EML5: variants seen among roughly 807,000 people sequenced by gnomAD.
EML5 encodes echinoderm microtubule-associated protein-like 5.
In EML5, 120 loss-of-function variants were observed where a neutral mutation model predicts 250.0. That is an observed-to-expected ratio of 0.48 (90% CI 0.41 to 0.56). The LOEUF is 0.56. Ranked by LOEUF, EML5 falls within the 20% of genes least tolerant of loss-of-function variation. The pLI is 0.00. For synonymous variants in EML5, 771 were observed against 806.5 expected, an observed-to-expected ratio of 0.96 and a Z score of 0.75; for missense variants, 2,006 against 2,437.6, an observed-to-expected ratio of 0.82 and a Z score of 3.73.
intron 29 of EML5, among the ~76,000 whole-genome samples, chr14:88,645,523 T>C (rs1203940736): frequency 6.6e-6 from 1 of 152,236 alleles, no homozygotes; most frequent in Admixed American, 6.5e-5. Flanking sequence ...TACATCCTTC[T>C]TGAAAGTGAA....
chr14:88,704,101 T>C (rs1042225309), intron 13 of EML5, among the ~76,000 whole-genome samples: 1 of 152,112 alleles, frequency 6.6e-6, no homozygotes, highest in Non-Finnish European at 1.5e-5. Flanking sequence ...TGATCCCCAG[T>C]GTGGGATATT....
chr14:88,616,213 C>G lies in EML5; in HGVS notation c.5826G>C (p.Ser1942=). The G allele has an allele frequency of 6.2e-7, 1 of 1,613,802 alleles. No individual in the cohort carries two copies. Among genetic ancestry groups the G allele is most frequent in the Middle Eastern group, 1.7e-4 (1 of 6,058 alleles). Residue 1942 remains serine (S), a synonymous_variant, in exon 43 of 44, where the codon TCG becomes TCC. Transcript: ENST00000554922. ...TAAATCGAATATTTGTCACATGGGGCGAATGACCCAAGAACCTTTTGTGTT... is the reference window on the plus strand; with the variant it reads ...TAAATCGAATATTTGTCACATGGGGGGAATGACCCAAGAACCTTTTGTGTT... ...FAKHKRFLGH[S]PHVTNIRFTS... is the part of the protein sequence containing the mutation.
chr14:88,694,155 CAA>C (rs938926957), intron 17 of EML5, among the ~76,000 whole-genome samples, 150 bp downstream of exon 17: 3 of 152,128 alleles, frequency 2.0e-5, no homozygotes, highest in African/African-American at 7.2e-5. Context: ...TAAATGAACT[CAA>C]GACTTCATTC....
chr14:88,651,223 CCT>C (rs2091611943), intron 27 of EML5, among the ~76,000 whole-genome samples: 1 of 148,148 alleles, frequency 6.8e-6, no homozygotes, highest in Non-Finnish European at 1.5e-5. Context: ...GCCAACAGAC[CCT>C]CTCTCTCCCT....
Position 88,618,642 on chromosome 14 carries a change from T to TA in EML5, c.5538+7dup, listed in dbSNP as rs781676451. 2 of 1,611,566 alleles carry TA rather than the reference T, an allele frequency of 1.2e-6. No individual in the cohort carries two copies. The highest frequency in any genetic ancestry group is 1.7e-6 in the Non-Finnish European group (2 of 1,179,036). On this transcript the variant is annotated splice_region_variant and intron_variant, in intron 40 of 43. Coordinates refer to ENST00000554922, the MANE Select transcript of EML5 (RefSeq NM_183387.3). ...TTGCCACCTGGGTATACAGTATTGG[T>TA]ACTGTACCTGGAGATAACTGCTATC... is the stretch of plus-strand genomic sequence containing the variant.
chr14:88,623,163 G>GCAC (rs2089348226), intron 36 of EML5: 1 of 150,828 alleles, frequency 6.6e-6, no homozygotes, highest in Non-Finnish European at 1.5e-5. Flanking sequence ...TTACAGGTGT[G>GCAC]CACCACCACA....
chr14:88,760,408 GAA>G (rs981827603), intron 1 of EML5, among the ~76,000 whole-genome samples: 7 of 151,994 alleles, frequency 4.6e-5, no homozygotes, highest in African/African-American at 1.2e-4. Flanking sequence ...ACCATGTATT[GAA>G]AAGACTATCT....
Position 88,712,261 on chromosome 14 carries a change from G to C in EML5, c.1657+10C>G. 1 of 1,586,348 alleles carries C rather than the reference G, an allele frequency of 6.3e-7. No individual in the cohort carries two copies. Among genetic ancestry groups the C allele is most frequent in the South Asian group, 1.1e-5 (1 of 89,986 alleles). Reference sequence around the variant, plus strand: ...AGAGAGGTTACTTAATATTTTGAAAGAAAAGGTACCTTTTCTTAAACATGG... The same window carrying C: ...AGAGAGGTTACTTAATATTTTGAAACAAAAGGTACCTTTTCTTAAACATGG... On this transcript the variant is annotated intron_variant, in intron 10 of 43. Coordinates refer to ENST00000554922, the MANE Select transcript of EML5 (RefSeq NM_183387.3).
At chr14:88,688,225 T>C in intron 18 of EML5, 46 bp downstream of exon 18, 1 of 1,602,996 alleles carries the variant, frequency 6.2e-7, no homozygotes, top group South Asian at 1.1e-5. Context: ...TGCTCTACAC[T>C]CCAGGACAAA....
rs375453720 is a variant in EML5, at chr14:88,615,815, C to A, written c.*3G>T. 6.2e-7 allele frequency: 1 copy of A among 1,611,182 alleles called. No individual in the cohort carries two copies. Among genetic ancestry groups the A allele is most frequent in the East Asian group, 2.2e-5 (1 of 44,838 alleles). ...TTAATTTCTGTAGTCATCTCAGCAT[C>A]TCTCAGTGAGGTGTATGTACACATT... On this transcript the variant is annotated 3_prime_UTR_variant, in exon 44 of 44. Coordinates refer to ENST00000554922, the MANE Select transcript of EML5 (RefSeq NM_183387.3).
In EML5 at chr14:88,704,935, T is replaced by A. The variant is rs2093288264; in HGVS notation, c.1976A>T (p.Glu659Val). Residue 659 changes from glutamate (E) to valine (V), a missense_variant, in exon 13 of 44, where the codon GAG becomes GTG. Transcript: ENST00000554922. ...TTTAGAAGTAGCACTTTTTTGTTTC[T>A]CTTTGCACTGTTCTTTAAGCTGAGG... ...DLPQLKEQCK[E>V]KQKSATSKRR... 6.2e-7 allele frequency: 1 copy of A among 1,613,176 alleles called. No individual in the cohort carries two copies. Among genetic ancestry groups the A allele is most frequent in the Non-Finnish European group, 8.5e-7 (1 of 1,179,484 alleles).
At chr14:88,709,789 G>A (rs1041248187) in intron 10 of EML5, among the ~76,000 whole-genome samples, 2 of 152,156 alleles carry the variant, frequency 1.3e-5, no homozygotes, top group Non-Finnish European at 2.9e-5. Flanking sequence ...GAGAATAAAT[G>A]CATGAATTGC....
intron 1 of EML5, among the ~76,000 whole-genome samples, chr14:88,757,726 A>C (rs554878738): frequency 1.3e-3 from 200 of 152,326 alleles, no homozygotes; most frequent in African/African-American, 4.6e-3. Flanking sequence ...CAACATCAAT[A>C]GTCAGCAGGG....
At position 88,613,458 on chromosome 14, in the gene EML5, T is replaced by G. The variant is rs1297275551; in HGVS notation, c.*2360A>C. Reference sequence around the variant, plus strand: ...TTATAGAACAAATGGGAAACAAGGGTTTAATTTAGTTCAGCCATTTTACAA... The same window carrying G: ...TTATAGAACAAATGGGAAACAAGGGGTTAATTTAGTTCAGCCATTTTACAA... On this transcript the variant is annotated 3_prime_UTR_variant, in exon 44 of 44. Transcript: ENST00000554922. 6.6e-6 allele frequency: 1 copy of G among 152,114 alleles called. No individual in the cohort carries two copies. Among genetic ancestry groups the G allele is most frequent in the Non-Finnish European group, 1.5e-5 (1 of 68,010 alleles). The allele number at this position is 152,114 out of a possible 1,614,324, so 9.4% of individuals were successfully genotyped here.
intron 1 of EML5, among the ~76,000 whole-genome samples, chr14:88,759,268 A>C (rs2039494304): frequency 1.3e-5 from 2 of 152,216 alleles, no homozygotes; most frequent in Admixed American, 6.5e-5. Flanking sequence ...CATGGGTTCA[A>C]AATTCTGGCT....
intron 33 of EML5, among the ~76,000 whole-genome samples, chr14:88,631,512 T>C (rs1423470461): frequency 6.6e-6 from 1 of 152,182 alleles, no homozygotes; most frequent in Non-Finnish European, 1.5e-5. Context: ...CTCACGCCTG[T>C]AATCCCAGCA....
chr14:88,714,899 T>TA (rs769208820), intron 9 of EML5, 40 bp downstream of exon 9: 2 of 1,578,410 alleles, frequency 1.3e-6, no homozygotes, highest in Non-Finnish European at 8.6e-7. Flanking sequence ...TAAAATATTG[T>TA]ATAGGTACTA....
chr14:88,697,021 TAAAAC>T (rs1400057811), intron 14 of EML5, 69 bp from the exon 15 acceptor site: 18 of 1,031,670 alleles, frequency 1.7e-5, no homozygotes, highest in Admixed American at 6.7e-5. Flanking sequence ...TAAAAGGAAA[TAAAAC>T]AAGAGATTTT....
intron 33 of EML5, 64 bp from the exon 34 acceptor site, chr14:88,627,883 T>C: frequency 7.1e-7 from 1 of 1,414,856 alleles, no homozygotes; most frequent in Non-Finnish European, 9.6e-7. Context: ...TTTCTAAAGC[T>C]TATGCATATT....
Sources: allele counts gnomAD v4.1 joint callset (sites outside exome capture counted in the v4.1 genomes callset), GRCh38; gene constraint gnomAD v4.1.1; transcripts MANE v1.5; gene names NCBI Gene and HGNC (gene_info 2026-07-23, HGNC 2026-07-21).